TMTC2: variants seen among roughly 807,000 people sequenced by gnomAD.
The protein encoded by TMTC2 is transmembrane O-mannosyltransferase targeting cadherins 2.
A neutral mutation model predicts 82.4 loss-of-function variants in TMTC2; 43 were observed. The ratio of observed to expected loss-of-function variants is 0.52; its 90% CI spans 0.41 to 0.67. The LOEUF (loss-of-function observed/expected upper bound fraction) is 0.67, where lower values mean the gene tolerates loss of function less well. TMTC2 is among the 30% of genes least tolerant of loss of function. The pLI, the probability that TMTC2 is intolerant of heterozygous loss-of-function variation, is 0.00. For synonymous variants in TMTC2, 408 were observed against 381.9 expected, an observed-to-expected ratio of 1.07 and a Z score of -0.80; for missense variants, 919 against 1,012.4, an observed-to-expected ratio of 0.91 and a Z score of 1.25.
chr12:82,842,371 T>A (rs1451298608), intron 1 of TMTC2, among the ~76,000 whole-genome samples: 1 of 152,184 alleles, frequency 6.6e-6, no homozygotes, highest in Admixed American at 6.5e-5. Context: ...TTTTTTTTCC[T>A]CTGGTAGAGA....
chr12:82,764,567 T>A (rs1876838936), intron 1 of TMTC2, among the ~76,000 whole-genome samples: 1 of 152,208 alleles, frequency 6.6e-6, no homozygotes, highest in South Asian at 2.1e-4. Flanking sequence ...GCATAAATGC[T>A]TAAAGATACT....
chr12:82,969,184 G>C (rs896190470), intron 7 of TMTC2, among the ~76,000 whole-genome samples: 1 of 152,126 alleles, frequency 6.6e-6, no homozygotes, highest in Non-Finnish European at 1.5e-5. Context: ...TCATTAGTCT[G>C]TCAGCGTGTG....
At chr12:83,042,903 C>A (rs896395973) in intron 9 of TMTC2, among the ~76,000 whole-genome samples, 1 of 152,118 alleles carries the variant, frequency 6.6e-6, no homozygotes, top group Non-Finnish European at 1.5e-5. Context: ...CCAGGGCCTC[C>A]CAGTCTCACA....
At chr12:83,012,823 A>G (rs1880519098) in intron 8 of TMTC2, among the ~76,000 whole-genome samples, 1 of 152,136 alleles carries the variant, frequency 6.6e-6, no homozygotes. Flanking sequence ...GACAGGTATA[A>G]CAGAATACAG....
intron 3 of TMTC2, among the ~76,000 whole-genome samples, chr12:82,923,732 A>G (rs922352992): frequency 6.6e-6 from 1 of 152,222 alleles, no homozygotes; most frequent in Non-Finnish European, 1.5e-5. Context: ...TTCTTAATAA[A>G]TGATGCTAAA....
At chr12:82,937,954 G>A (rs537305116) in intron 4 of TMTC2, among the ~76,000 whole-genome samples, 8 of 134,428 alleles carry the variant, frequency 6.0e-5, no homozygotes, top group East Asian at 2.1e-4. Flanking sequence ...TTACGCTGTC[G>A]CCCAGGGTGG....
intron 7 of TMTC2, 81 bp from the exon 8 acceptor site, chr12:82,985,838 TATGATG>T (rs145319328): frequency 2.5e-5 from 37 of 1,483,018 alleles, no homozygotes; most frequent in African/African-American, 8.3e-5. Context: ...TTCCACGCAG[TATGATG>T]ATGATGATGA....
Position 82,876,020 on chromosome 12 carries a change from A to AGTGGTG in TMTC2, c.654+18442_654+18447dup, listed in dbSNP as rs1180362854. Among the ~76,000 whole-genome samples, 13 of 75,658 alleles carry AGTGGTG rather than the reference A, an allele frequency of 1.7e-4. No homozygotes were observed. In the East Asian group the frequency reaches 1.8e-3, roughly 10 times the overall value. 49.6% of individuals were successfully genotyped at this position (75,658 alleles called of 152,430 possible). On this transcript the variant is annotated intron_variant, in intron 2 of 11. Transcript: ENST00000321196. The stretch of plus-strand genomic sequence containing the variant: ...TGGTATTGGTAATGGTAATGGTAGT[A>AGTGGTG]GTGGTGGCGGTGGTGGTGGTGGTGG...
chr12:83,124,244 T>C (rs1348433510), intron 11 of TMTC2, among the ~76,000 whole-genome samples: 1 of 152,220 alleles, frequency 6.6e-6, no homozygotes, highest in Non-Finnish European at 1.5e-5. Flanking sequence ...ATATAATAAG[T>C]GGTCAATAAA....
chr12:82,842,036 C>T (rs1242222940), intron 1 of TMTC2, among the ~76,000 whole-genome samples: 1 of 152,140 alleles, frequency 6.6e-6, no homozygotes, highest in Non-Finnish European at 1.5e-5. Context: ...ACTTTCAAAT[C>T]GTCTTGCAAA....
intron 1 of TMTC2, among the ~76,000 whole-genome samples, chr12:82,775,214 C>T (rs1372680021): frequency 6.6e-6 from 1 of 151,934 alleles, no homozygotes; most frequent in Non-Finnish European, 1.5e-5. Context: ...ACTTGGAGAC[C>T]GAGGCAGAAG....
At chr12:82,860,557 T>C (rs939359146) in intron 2 of TMTC2, among the ~76,000 whole-genome samples, 5 of 152,252 alleles carry the variant, frequency 3.3e-5, no homozygotes, top group Non-Finnish European at 7.3e-5. Context: ...CATCTGGAAA[T>C]GAAGGCAGCT....
intron 1 of TMTC2, among the ~76,000 whole-genome samples, chr12:82,805,360 T>C (rs983148749): frequency 1.3e-5 from 2 of 152,120 alleles, no homozygotes; most frequent in African/African-American, 4.8e-5. Context: ...TTTAAGAATG[T>C]TAGCACAGGT....
rs1882345772 is a variant in TMTC2, at chr12:83,051,487, C to A, written c.2267+469C>A. On this transcript the variant is annotated intron_variant, in intron 10 of 11. Coordinates refer to ENST00000321196, the MANE Select transcript of TMTC2 (RefSeq NM_152588.3). ...AATTACTGCGACCTCCTTTCCCTTC[C>A]CTCTAAAAACTACTAGTCATAAAAT... Among the ~76,000 whole-genome samples, 3 of 151,972 alleles carry A rather than the reference C, an allele frequency of 2.0e-5. No homozygotes were observed. In the South Asian group the frequency reaches 6.2e-4, roughly 32 times the overall value.
intron 1 of TMTC2, among the ~76,000 whole-genome samples, chr12:82,813,384 A>G (rs917545318): frequency 1.1e-4 from 16 of 152,102 alleles, no homozygotes; most frequent in African/African-American, 3.9e-4. Context: ...TTAACTTTGC[A>G]TATATTTTAT....
chr12:83,025,184 T>C (rs539308602), intron 8 of TMTC2, among the ~76,000 whole-genome samples: 1 of 133,120 alleles, frequency 7.5e-6, no homozygotes, highest in African/African-American at 2.9e-5. Flanking sequence ...AGAGTGAAGC[T>C]CTTGGAACTC....
At chr12:83,128,448 A>G (rs1294150203) in intron 11 of TMTC2, among the ~76,000 whole-genome samples, 2 of 152,094 alleles carry the variant, frequency 1.3e-5, no homozygotes, top group Non-Finnish European at 2.9e-5. Flanking sequence ...AACTTAAATA[A>G]TTGAATGACC....
intron 3 of TMTC2, among the ~76,000 whole-genome samples, chr12:82,928,834 A>G (rs1469962045): frequency 6.6e-6 from 1 of 152,190 alleles, no homozygotes; most frequent in African/African-American, 2.4e-5. Context: ...TGTGAGTTCA[A>G]TGCCTTTCCT....
chr12:82,711,047 C>G (rs1403195226), intron 1 of TMTC2, among the ~76,000 whole-genome samples: 1 of 152,110 alleles, frequency 6.6e-6, no homozygotes, highest in Non-Finnish European at 1.5e-5. Flanking sequence ...GAATTCTTTC[C>G]ATACAACCCA....
Sources: allele counts gnomAD v4.1 joint callset (sites outside exome capture counted in the v4.1 genomes callset), GRCh38; gene constraint gnomAD v4.1.1; transcripts MANE v1.5; gene names NCBI Gene and HGNC (gene_info 2026-07-23, HGNC 2026-07-21).